Variants in PRKCH observed in about 807,000 individuals in gnomAD.
The protein encoded by PRKCH is protein kinase C eta.
In PRKCH, 28 loss-of-function variants were observed where a neutral mutation model predicts 82.5. The observed-to-expected ratio is 0.34, with a 90% CI of 0.25 to 0.47. The LOEUF (loss-of-function observed/expected upper bound fraction) is 0.47, where lower values mean the gene tolerates loss of function less well. PRKCH is among the 20% of genes least tolerant of loss of function. PRKCH has a pLI of 1.00. For missense variants in PRKCH, 705 were observed against 881.8 expected (o/e 0.80, Z 2.54); for synonymous variants, 322 against 327.4 (o/e 0.98, Z 0.18).
intron 10 of PRKCH, among the ~76,000 whole-genome samples, chr14:61,519,852 G>A (rs1467429011): frequency 2.7e-5 from 4 of 148,670 alleles, no homozygotes; most frequent in South Asian, 4.3e-4. Flanking sequence ...ACACTTAGTA[G>A]ACATTAAGTA....
chr14:61,391,395 C>CTCTTT, intron 2 of PRKCH, 107 bp downstream of exon 2: 1 of 972,342 alleles, frequency 1.0e-6, no homozygotes, highest in Non-Finnish European at 1.5e-6. Flanking sequence ...GTAAGAGATG[C>CTCTTT]TTAAAAAATC....
chr14:61,241,329 A>G (rs578040351), intron 1 of PRKCH, among the ~76,000 whole-genome samples: 1 of 152,264 alleles, frequency 6.6e-6, no homozygotes, highest in African/African-American at 2.4e-5. Flanking sequence ...GTCTTTTGGC[A>G]GGGTTTTATG....
At chr14:61,478,751 A>G (rs1365643946) in intron 9 of PRKCH, among the ~76,000 whole-genome samples, 1 of 152,062 alleles carries the variant, frequency 6.6e-6, no homozygotes, top group Non-Finnish European at 1.5e-5. Flanking sequence ...TCCCAGCCGC[A>G]CAGGAGGCTG....
At position 61,409,885 on chromosome 14, in the gene PRKCH, G is replaced by A. The variant is rs184009739; in HGVS notation, c.427+18597G>A. 9.6e-3 allele frequency among the ~76,000 whole-genome samples: 1,458 copies of A among 152,212 alleles called. 20 individuals are homozygous for A. Among genetic ancestry groups the A allele is most frequent in the Admixed American group, 0.018 (274 of 15,290 alleles). On this transcript the variant is annotated intron_variant, in intron 2 of 13. Coordinates refer to ENST00000332981, the MANE Select transcript of PRKCH (RefSeq NM_006255.5). ...ATTGTCAGGCAGCATTGCCCCTGTC[G>A]TCTGCCTTTTCCTCCTGTTACTAGG... is the stretch of plus-strand genomic sequence containing the variant.
At chr14:61,392,082 A>G (rs561616706) in intron 2 of PRKCH, among the ~76,000 whole-genome samples, 10 of 152,024 alleles carry the variant, frequency 6.6e-5, no homozygotes, top group African/African-American at 2.4e-4. Context: ...TGTGTATATC[A>G]GTATTTTTTT....
intron 1 of PRKCH, among the ~76,000 whole-genome samples, chr14:61,254,531 A>G (rs1298716295): frequency 6.6e-6 from 1 of 152,136 alleles, no homozygotes; most frequent in African/African-American, 2.4e-5. Context: ...CGGGAGAATC[A>G]CTTGAGCTCG....
chr14:61,285,667 G>A (rs558914859), intron 1 of PRKCH, among the ~76,000 whole-genome samples: 7 of 152,220 alleles, frequency 4.6e-5, no homozygotes, highest in Non-Finnish European at 1.0e-4. Flanking sequence ...CAAATGGGGG[G>A]CATTCAGTCC....
chr14:61,476,800 A>G (rs1247996906), intron 9 of PRKCH, among the ~76,000 whole-genome samples: 1 of 152,200 alleles, frequency 6.6e-6, no homozygotes, highest in Admixed American at 6.5e-5. Context: ...TGGGCTTGAC[A>G]CAGGGGTTGC....
intron 1 of PRKCH, among the ~76,000 whole-genome samples, chr14:61,269,975 G>T (rs900233066): frequency 6.6e-6 from 1 of 152,168 alleles, no homozygotes; most frequent in African/African-American, 2.4e-5. Flanking sequence ...CCAGTCCCCG[G>T]GTGTACAGCG....
intron 4 of PRKCH, among the ~76,000 whole-genome samples, chr14:61,448,765 A>T (rs1210503532): frequency 6.6e-6 from 1 of 152,192 alleles, no homozygotes; most frequent in Non-Finnish European, 1.5e-5. Flanking sequence ...GATCCCATAG[A>T]AGAAAGGTGA....
intron 1 of PRKCH, chr14:61,347,879 G>A (rs1453710890): frequency 6.5e-6 from 1 of 152,812 alleles, no homozygotes; most frequent in African/African-American, 2.4e-5. Flanking sequence ...AGAGTTTTCA[G>A]GGAACGGAAT....
rs114194388 is a variant in PRKCH, at chr14:61,270,500, A to T, written c.-19+82832A>T. 4.5e-3 allele frequency among the ~76,000 whole-genome samples: 684 copies of T among 152,238 alleles called. 6 individuals are homozygous for T. Among genetic ancestry groups the T allele is most frequent in the African/African-American group, 0.016 (652 of 41,532 alleles). Reference sequence around the variant, plus strand: ...TGTGTTCTTTTGAACTTTCCACTAAAATGGAGTGCACTGGGCAGTAGTCCA... The same window carrying T: ...TGTGTTCTTTTGAACTTTCCACTAATATGGAGTGCACTGGGCAGTAGTCCA... On this transcript the variant is annotated intron_variant, in intron 1 of 3. Coordinates refer to the PRKCH transcript ENST00000555185.
chr14:61,324,332 A>C (rs1206885815), intron 1 of PRKCH, among the ~76,000 whole-genome samples: 1 of 152,228 alleles, frequency 6.6e-6, no homozygotes, highest in Non-Finnish European at 1.5e-5. Flanking sequence ...TTAGATGTTT[A>C]ATATAACCCA....
intron 1 of PRKCH, among the ~76,000 whole-genome samples, chr14:61,289,887 G>T (rs546619927): frequency 1.2e-4 from 19 of 152,340 alleles, no homozygotes; most frequent in Middle Eastern, 3.4e-3. Context: ...GTAGTCTGCA[G>T]GGCTGCCTCA....
At chr14:61,362,897 T>A (rs2046248315) in intron 1 of PRKCH, among the ~76,000 whole-genome samples, 1 of 152,186 alleles carries the variant, frequency 6.6e-6, no homozygotes, top group Non-Finnish European at 1.5e-5. Context: ...ATGATTGGTG[T>A]TGAACAGGGA....
At chr14:61,279,766 C>A in intron 1 of PRKCH, 1 of 274,120 alleles carries the variant, frequency 3.6e-6, no homozygotes, top group Non-Finnish European at 6.9e-6. Context: ...TCAATCTCTT[C>A]CTCTAATAGG....
At chr14:61,495,545 G>A (rs1319302323) in intron 10 of PRKCH, among the ~76,000 whole-genome samples, 2 of 152,176 alleles carry the variant, frequency 1.3e-5, no homozygotes, top group African/African-American at 4.8e-5. Flanking sequence ...TAATTGAATT[G>A]TACAGTTCAA....
intron 1 of PRKCH, among the ~76,000 whole-genome samples, chr14:61,238,678 A>C (rs2044810573): frequency 2.0e-5 from 3 of 151,996 alleles, no homozygotes; most frequent in South Asian, 4.2e-4. Flanking sequence ...TGTTTTCTTT[A>C]TTCACCTTAT....
At chr14:61,200,244 T>C (rs1054821259) in intron 1 of PRKCH, among the ~76,000 whole-genome samples, 13 of 152,092 alleles carry the variant, frequency 8.5e-5, no homozygotes, top group African/African-American at 3.1e-4. Flanking sequence ...ATAAGAAGAT[T>C]ACCATAAGAG....
Sources: gnomAD v4.1 joint callset for allele counts (sites outside exome capture counted in the v4.1 genomes callset) on GRCh38, gnomAD v4.1.1 for gene constraint, MANE v1.5 for transcripts, NCBI Gene and HGNC (gene_info 2026-07-23, HGNC 2026-07-21) for gene names.